The following ARHGAP15 variants were observed in gnomAD, a reference collection of about 807,000 sequenced individuals.
The protein encoded by ARHGAP15 is rho GTPase-activating protein 15.
A neutral mutation model predicts 63.7 loss-of-function variants in ARHGAP15; 51 were observed. The observed-to-expected ratio is 0.80, with a 90% CI of 0.64 to 1.01. The LOEUF (loss-of-function observed/expected upper bound fraction) is 1.01. Ranked by LOEUF, ARHGAP15 falls within the 50% of genes least tolerant of loss-of-function variation. The probability of loss-of-function intolerance (pLI) is 0.00; values close to 1 mark genes in which losing one functional copy is unlikely to be tolerated. For synonymous variants in ARHGAP15, 191 were observed against 193.8 expected (o/e 0.99, Z 0.12); for missense variants, 560 against 564.6 (o/e 0.99, Z 0.08).
intron 12 of ARHGAP15, among the ~76,000 whole-genome samples, chr2:143,673,654 A>C (rs1682645638): frequency 6.7e-6 from 1 of 149,362 alleles, no homozygotes; most frequent in African/African-American, 2.4e-5. Context: ...CCATTAAAAA[A>C]AATGAAAAGG....
intron 9 of ARHGAP15, among the ~76,000 whole-genome samples, chr2:143,514,783 A>G (rs1693733874): frequency 6.6e-6 from 1 of 152,128 alleles, no homozygotes; most frequent in Non-Finnish European, 1.5e-5. Context: ...ATATGTATGT[A>G]TTCTGGAGCC....
chr2:143,348,052 C>T (rs1488381625), intron 6 of ARHGAP15, among the ~76,000 whole-genome samples: 2 of 152,150 alleles, frequency 1.3e-5, no homozygotes, highest in Non-Finnish European at 2.9e-5. Context: ...CCTAAACATA[C>T]TGTCAGATAT....
chr2:143,419,517 A>C (rs1688825398), intron 6 of ARHGAP15, among the ~76,000 whole-genome samples: 1 of 151,980 alleles, frequency 6.6e-6, no homozygotes, highest in Non-Finnish European at 1.5e-5. Flanking sequence ...AAATCTCTAT[A>C]ACAAAATGTT....
intron 1 of ARHGAP15, among the ~76,000 whole-genome samples, chr2:143,149,180 T>C (rs940951389): frequency 6.6e-6 from 1 of 151,996 alleles, no homozygotes; most frequent in Admixed American, 6.6e-5. Context: ...CTAATACATG[T>C]AGAGCAGGGA....
intron 8 of ARHGAP15, among the ~76,000 whole-genome samples, chr2:143,477,450 A>C (rs879431755): frequency 3.3e-5 from 5 of 152,134 alleles, no homozygotes; most frequent in Non-Finnish European, 7.3e-5. Flanking sequence ...TATTAAGATT[A>C]ATAATTGCTT....
At chr2:143,251,444 C>T (rs375217824) in intron 6 of ARHGAP15, among the ~76,000 whole-genome samples, 1 of 151,986 alleles carries the variant, frequency 6.6e-6, no homozygotes, top group East Asian at 1.9e-4. Flanking sequence ...AAATGCTTTG[C>T]TGAAATTAAT....
At chr2:143,640,886 C>T (rs1257502537) in intron 12 of ARHGAP15, 1 of 152,130 alleles carries the variant, frequency 6.6e-6, no homozygotes, top group Non-Finnish European at 1.5e-5. Context: ...GACCATCTGC[C>T]ACCAAATTCC....
At chr2:143,531,116 A>T (rs376869138) in intron 10 of ARHGAP15, among the ~76,000 whole-genome samples, 1 of 27,442 alleles carries the variant, frequency 3.6e-5, no homozygotes, top group Non-Finnish European at 7.9e-5. Context: ...CTGTGTGTGT[A>T]TGTGTGTGCG....
intron 12 of ARHGAP15, among the ~76,000 whole-genome samples, chr2:143,681,335 G>C (rs1248686773): frequency 1.3e-5 from 2 of 152,128 alleles, no homozygotes; most frequent in African/African-American, 4.8e-5. Flanking sequence ...TAATTTAGTA[G>C]CGTATGTGAA....
chr2:143,709,344 AC>A (rs889681711), intron 13 of ARHGAP15, among the ~76,000 whole-genome samples: 7 of 152,240 alleles, frequency 4.6e-5, no homozygotes, highest in Admixed American at 4.6e-4. Flanking sequence ...GAAATGGGCA[AC>A]TTTTAATAAT....
At chr2:143,186,117 T>C (rs756670024) in intron 2 of ARHGAP15, among the ~76,000 whole-genome samples, 6 of 152,198 alleles carry the variant, frequency 3.9e-5, no homozygotes, top group Non-Finnish European at 5.9e-5. Context: ...GTGTCTTTCA[T>C]TGTGGCTAGA....
rs531049362 is a variant in ARHGAP15, at chr2:143,360,922, A to G, written c.475-74679A>G. On this transcript the variant is annotated intron_variant, in intron 6 of 13. Transcript: ENST00000295095. ...TCTCATTGCATAATTTTTGATACAT[A>G]AATTGGAACACATTTTGGCCAATTT... Among the ~76,000 whole-genome samples the G allele has an allele frequency of 3.2e-3, 481 of 152,316 alleles. 1 individual carries two copies. The highest frequency in any genetic ancestry group is 0.01 in the African/African-American group (435 of 41,584).
At chr2:143,404,676 CTT>C (rs1407686310) in intron 6 of ARHGAP15, among the ~76,000 whole-genome samples, 1 of 151,864 alleles carries the variant, frequency 6.6e-6, no homozygotes, top group Non-Finnish European at 1.5e-5. Flanking sequence ...GCAGCAAACA[CTT>C]ATGAATTCCT....
intron 6 of ARHGAP15, among the ~76,000 whole-genome samples, chr2:143,414,802 G>A (rs1013447521): frequency 1.3e-5 from 2 of 152,054 alleles, no homozygotes; most frequent in African/African-American, 2.4e-5. Context: ...GCGTGGTGGC[G>A]CATGCCTATA....
chr2:143,446,160 TATAAA>T (rs1191500603), intron 8 of ARHGAP15, among the ~76,000 whole-genome samples: 1 of 148,800 alleles, frequency 6.7e-6, no homozygotes, highest in East Asian at 1.9e-4. Context: ...TTTATATAAT[TATAAA>T]ATATTATAAA....
At position 143,468,777 on chromosome 2, in the gene ARHGAP15, C is replaced by CAAGT. The variant is rs375696233; in HGVS notation, c.704-18593_704-18590dup. Among the ~76,000 whole-genome samples, 294 of 151,934 alleles carry CAAGT rather than the reference C, an allele frequency of 1.9e-3. 1 individual carries two copies. Among genetic ancestry groups the CAAGT allele is most frequent in the African/African-American group, 6.8e-3 (283 of 41,442 alleles). ...TGATTTCATACTGGGAAATGGCATA[C>CAAGT]AAGTAAAATCAGTAGTCTATTCAAA... On this transcript the variant is annotated intron_variant, in intron 8 of 13. Coordinates refer to ENST00000295095, the MANE Select transcript of ARHGAP15 (RefSeq NM_018460.4).
intron 1 of ARHGAP15, among the ~76,000 whole-genome samples, chr2:143,151,925 C>G (rs1414309330): frequency 6.6e-6 from 1 of 151,948 alleles, no homozygotes; most frequent in African/African-American, 2.4e-5. Context: ...ACTGGCACAG[C>G]TGTCATCATC....
intron 1 of ARHGAP15, among the ~76,000 whole-genome samples, chr2:143,138,820 T>C (rs1689247588): frequency 6.6e-6 from 1 of 152,158 alleles, no homozygotes; most frequent in South Asian, 2.1e-4. Context: ...AACGAAAATG[T>C]AAAATAATTA....
intron 10 of ARHGAP15, among the ~76,000 whole-genome samples, chr2:143,555,850 A>G (rs1244338993): frequency 7.2e-6 from 1 of 139,804 alleles, no homozygotes; most frequent in Admixed American, 7.1e-5. Context: ...TGTAACAATC[A>G]CAGGAAAACA....
Sources: gnomAD v4.1 joint callset for allele counts (sites outside exome capture counted in the v4.1 genomes callset) on GRCh38, gnomAD v4.1.1 for gene constraint, MANE v1.5 for transcripts, NCBI Gene and HGNC (gene_info 2026-07-23, HGNC 2026-07-21) for gene names.